The following ARHGAP6 variants were observed in gnomAD, a reference collection of about 807,000 sequenced individuals.
ARHGAP6 encodes rho GTPase-activating protein 6.
In ARHGAP6, 16 loss-of-function variants were observed where a neutral mutation model predicts 55.7. That is an observed-to-expected ratio of 0.29 (90% confidence interval 0.19 to 0.44). The LOEUF (loss-of-function observed/expected upper bound fraction) is 0.44. ARHGAP6 is among the 20% of genes least tolerant of loss of function. ARHGAP6 has a pLI of 1.00. For missense variants in ARHGAP6, 698 were observed against 808.9 expected, an observed-to-expected ratio of 0.86 and a Z score of 1.66; for synonymous variants, 382 against 360.9, an observed-to-expected ratio of 1.06 and a Z score of -0.66.
At chrX:11,604,266 C>G (rs754406542) in intron 1 of ARHGAP6, among the ~76,000 whole-genome samples, 15 of 111,866 alleles carry the variant, frequency 1.3e-4, no homozygotes, top group Non-Finnish European at 2.6e-4. Context: ...ATTAAAAACA[C>G]AACCAAGCTA....
At chrX:11,328,141 GTTAAT>G (rs1016848129) in intron 1 of ARHGAP6, among the ~76,000 whole-genome samples, 1 of 112,332 alleles carries the variant, frequency 8.9e-6, no homozygotes, top group African/African-American at 3.2e-5. Flanking sequence ...TTAGATTGGT[GTTAAT>G]TTTTCTCATT....
Position 11,142,287 on chromosome X carries a change from A to G in ARHGAP6, c.2203T>C (p.Trp735Arg). The change falls in exon 12 of 13, where the codon TGG becomes CGG. Residue 735 changes from tryptophan (W) to arginine (R), a missense_variant. Transcript: ENST00000337414. ...TTTAATGTTGAATGCCAAGTTCCCCAGATATCGAAAGGCTCCTCTGACAGA... is the reference window on the plus strand; with the variant it reads ...TTTAATGTTGAATGCCAAGTTCCCCGGATATCGAAAGGCTCCTCTGACAGA... The part of the protein sequence containing the change: ...KDLSEEPFDI[W>R]GTWHSTLKSG... The G allele has an allele frequency of 9.2e-6, 11 of 1,201,879 alleles. No homozygotes were observed. The highest frequency in any genetic ancestry group is 1.2e-5 in the Non-Finnish European group (11 of 888,712).
chrX:11,591,086 G>A (rs747972725), intron 1 of ARHGAP6, among the ~76,000 whole-genome samples: 12 of 108,422 alleles, frequency 1.1e-4, no homozygotes, highest in Non-Finnish European at 1.9e-4. Context: ...CAGCTACTCC[G>A]GAGGCTGAGG....
intron 2 of ARHGAP6, among the ~76,000 whole-genome samples, chrX:11,226,859 A>C (rs1025944046): frequency 1.8e-5 from 2 of 112,208 alleles, no homozygotes; most frequent in African/African-American, 6.5e-5. Flanking sequence ...TTTTACATGA[A>C]AATTTGTAAT....
rs747226958 is a variant in ARHGAP6, at chrX:11,569,719, A to G, written c.588+94522T>C. Among the ~76,000 whole-genome samples, 13 of 111,604 alleles carry G rather than the reference A, an allele frequency of 1.2e-4. No individual in the cohort carries two copies. The South Asian group carries it at 3.4e-3, about 29-fold the overall frequency. The stretch of plus-strand genomic sequence containing the variant: ...GCACCCTCTGTAGCATATACTGTTT[A>G]TAAACACTCTTGAAAATTCCTTCTG... On this transcript the variant is annotated intron_variant, in intron 1 of 12. Coordinates refer to ENST00000337414, the MANE Select transcript of ARHGAP6 (RefSeq NM_013427.3).
rs762270906 is a variant in ARHGAP6, at chrX:11,427,601, C to G, written c.589-172894G>C. ...CGGTACACCGGGTGCCCCATGTCGC[C>G]TCCGGGAGGAGTGGCGCGCCTTGGG... On this transcript the variant is annotated intron_variant, in intron 1 of 12. Transcript: ENST00000337414. The G allele has an allele frequency of 1.0e-5, 9 of 892,973 alleles. No individual in the cohort carries two copies. The South Asian group carries it at 1.8e-4, about 18-fold the overall frequency. 73.6% of individuals were successfully genotyped at this position (892,973 alleles called of 1,213,427 possible).
chrX:11,454,867 A>T (rs1309593041), intron 1 of ARHGAP6, among the ~76,000 whole-genome samples: 1 of 112,600 alleles, frequency 8.9e-6, no homozygotes, highest in Non-Finnish European at 1.9e-5. Flanking sequence ...ACCTCAATCC[A>T]GTTTGGTTTC....
intron 1 of ARHGAP6, among the ~76,000 whole-genome samples, chrX:11,454,326 C>A (rs2050175977): frequency 9.1e-6 from 1 of 110,048 alleles, no homozygotes; most frequent in South Asian, 3.9e-4. Context: ...CACGATGAAG[C>A]TCCTTTTCTA....
intron 9 of ARHGAP6, among the ~76,000 whole-genome samples, chrX:11,165,083 G>C (rs933839022): frequency 8.9e-6 from 1 of 111,877 alleles, no homozygotes; most frequent in Non-Finnish European, 1.9e-5. Context: ...CAGAAGTGGA[G>C]GGTCATGATT....
intron 1 of ARHGAP6, among the ~76,000 whole-genome samples, chrX:11,264,420 G>A: frequency 8.9e-6 from 1 of 111,818 alleles, no homozygotes; most frequent in East Asian, 2.8e-4. Context: ...CTTGTTTCCA[G>A]TGGAAAGAAC....
At chrX:11,161,351 A>G (rs1350240644) in intron 9 of ARHGAP6, among the ~76,000 whole-genome samples, 1 of 112,211 alleles carries the variant, frequency 8.9e-6, no homozygotes, top group Non-Finnish European at 1.9e-5. Context: ...GCAGCTTGAA[A>G]TAAGTAAGAA....
rs143074860 is a variant in ARHGAP6, at chrX:11,236,695, A to G, written c.748+17853T>C. The stretch of plus-strand genomic sequence containing the variant: ...TCAACACACGATCCATTGGGATAGC[A>G]TTTTGATTTATTCATTTTACAATTG... On this transcript the variant is annotated intron_variant, in intron 2 of 12. Transcript: ENST00000337414. 7.6e-3 allele frequency among the ~76,000 whole-genome samples: 861 copies of G among 112,632 alleles called. 7 individuals are homozygous for G. Among genetic ancestry groups the G allele is most frequent in the African/African-American group, 0.026 (808 of 31,053 alleles).
chrX:11,167,635 C>A (rs1258290021), intron 9 of ARHGAP6, among the ~76,000 whole-genome samples: 1 of 110,919 alleles, frequency 9.0e-6, no homozygotes, highest in Non-Finnish European at 1.9e-5. Flanking sequence ...TTGTTGGTAT[C>A]TGAGTTGAAA....
In ARHGAP6 at chrX:11,178,223, G is replaced by T; in HGVS notation, c.1506C>A (p.Gly502=). The T allele has an allele frequency of 8.3e-7, 1 of 1,209,059 alleles. No homozygotes were observed. Among genetic ancestry groups the T allele is most frequent in the East Asian group, 3.0e-5 (1 of 33,784 alleles). ...TLLLEPEEQL[G]TLQLLIYLLP... is the part of the protein sequence containing the mutation. ...GAAGGTATATGAGGAGCTGCAAGGT[G>T]CCCAGCTGTTCCTCCGGCTCCAACA... The change falls in exon 8 of 13, where the codon GGC becomes GGA. Residue 502 remains glycine, a synonymous_variant. Transcript: ENST00000337414.
At chrX:11,174,572 TCCTTTC>T (rs2046151187) in intron 8 of ARHGAP6, among the ~76,000 whole-genome samples, 1 of 61,982 alleles carries the variant, frequency 1.6e-5, no homozygotes, top group Non-Finnish European at 3.1e-5. Flanking sequence ...CTTCCTTCCT[TCCTTTC>T]TTTCTTTCTT....
chrX:11,367,170 A>C (rs988254219), intron 1 of ARHGAP6, among the ~76,000 whole-genome samples: 1 of 112,342 alleles, frequency 8.9e-6, no homozygotes, highest in African/African-American at 3.2e-5. Flanking sequence ...CAAAGGAATG[A>C]TGGGGTAGAA....
chrX:11,391,798 G>T (rs2049409660), intron 1 of ARHGAP6, among the ~76,000 whole-genome samples: 2 of 112,555 alleles, frequency 1.8e-5, no homozygotes, highest in Admixed American at 1.9e-4. Flanking sequence ...CTTTCATGTA[G>T]ATTGCCTAGG....
At chrX:11,344,816 G>A (rs1024199394) in intron 1 of ARHGAP6, among the ~76,000 whole-genome samples, 31 of 110,402 alleles carry the variant, frequency 2.8e-4, no homozygotes, top group African/African-American at 9.6e-4. Flanking sequence ...GTGATACAAA[G>A]GTCCAGCCAA....
intron 1 of ARHGAP6, among the ~76,000 whole-genome samples, chrX:11,513,795 A>G (rs891912449): frequency 5.4e-5 from 6 of 111,163 alleles, no homozygotes; most frequent in African/African-American, 2.0e-4. Context: ...AAGGCAGGTA[A>G]GAGCAAGGAC....
Sources: allele counts gnomAD v4.1 joint callset (sites outside exome capture counted in the v4.1 genomes callset), GRCh38; gene constraint gnomAD v4.1.1; transcripts MANE v1.5; gene names NCBI Gene and HGNC (gene_info 2026-07-23, HGNC 2026-07-21).